The following BICD1 variants were observed in gnomAD, a reference collection of about 807,000 sequenced individuals.
The protein encoded by BICD1 is protein bicaudal D homolog 1.
Under a neutral mutation model 92.5 loss-of-function variants are expected in BICD1, and 35 were observed. That is an observed-to-expected ratio of 0.38 (90% confidence interval 0.29 to 0.50). The LOEUF (loss-of-function observed/expected upper bound fraction) is 0.50. Among genes scored for constraint, BICD1 ranks in the 20% least tolerant of loss-of-function variants. The pLI is 0.93. For missense variants in BICD1, 950 were observed against 1,189.8 expected (o/e 0.80, Z 2.97); for synonymous variants, 429 against 465.1 (o/e 0.92, Z 1.00).
chr12:32,214,524 C>G (rs958888989), intron 1 of BICD1, among the ~76,000 whole-genome samples: 1 of 152,156 alleles, frequency 6.6e-6, no homozygotes, highest in Non-Finnish European at 1.5e-5. Context: ...TTAGATATCT[C>G]TTTCCTTACT....
chr12:32,166,138 A>ATTTTTTTATTT (rs1555140609), intron 1 of BICD1, among the ~76,000 whole-genome samples: 1 of 143,954 alleles, frequency 6.9e-6, no homozygotes, highest in African/African-American at 2.6e-5. Flanking sequence ...TTATTTATTT[A>ATTTTTTTATTT]TTTATTTATT....
intron 8 of BICD1, among the ~76,000 whole-genome samples, chr12:32,356,688 C>T (rs1400329498): frequency 6.6e-6 from 1 of 152,026 alleles, no homozygotes; most frequent in Non-Finnish European, 1.5e-5. Context: ...GCAGAAGCAT[C>T]ATTGGCAAAT....
At chr12:32,338,713 G>A in intron 7 of BICD1, 73 bp from the exon 8 acceptor site, 3 of 1,215,182 alleles carry the variant, frequency 2.5e-6, no homozygotes, top group East Asian at 2.7e-5. Context: ...GTTGTCACTG[G>A]TGAGGCGTTA....
chr12:32,234,601 AAAAAAAAAG>A (rs1298805647), intron 2 of BICD1, among the ~76,000 whole-genome samples: 1 of 150,972 alleles, frequency 6.6e-6, no homozygotes, highest in African/African-American at 2.4e-5. Flanking sequence ...CGTCTCAAAA[AAAAAAAAAG>A]AAAGAAAGAA....
At position 32,346,608 on chromosome 12, in the gene BICD1, A is replaced by ACGTG. The variant is rs71068318; in HGVS notation, c.2764+7629_2764+7630insCGTG. 7.2e-3 allele frequency among the ~76,000 whole-genome samples: 23 copies of ACGTG among 3,216 alleles called. 2 individuals carry two copies. The highest frequency in any genetic ancestry group is 0.017 in the South Asian group (1 of 60). The allele number at this position is 3,216 out of a possible 152,430, so 2.1% of individuals were successfully genotyped here. ...CGTGTATATATATATATATATATATATATACGTGTATATATATATATATAT... is the reference window on the plus strand; with the variant it reads ...CGTGTATATATATATATATATATATACGTGTATACGTGTATATATATATATATAT... On this transcript the variant is annotated intron_variant, in intron 8 of 9. Transcript: ENST00000652176.
chr12:32,197,710 G>A (rs774731174), intron 1 of BICD1, among the ~76,000 whole-genome samples: 33 of 152,146 alleles, frequency 2.2e-4, no homozygotes, highest in Admixed American at 7.9e-4. Flanking sequence ...TTATAAACTA[G>A]CTAGGAGATT....
intron 2 of BICD1, among the ~76,000 whole-genome samples, chr12:32,221,372 T>A (rs1945523499): frequency 6.7e-6 from 1 of 150,250 alleles, no homozygotes. Context: ...AATAAATAAA[T>A]AAATAAAAAT....
chr12:32,108,803 A>G (rs1941588755), intron 1 of BICD1: 1 of 556,178 alleles, frequency 1.8e-6, no homozygotes. Context: ...CCAACTAGGA[A>G]TCTAATTTTT....
At position 32,216,469 on chromosome 12, in the gene BICD1, C is replaced by A. The variant is rs548671395; in HGVS notation, c.426+10C>A. 1 of 1,612,504 alleles carries A rather than the reference C, an allele frequency of 6.2e-7. No homozygotes were observed. The highest frequency in any genetic ancestry group is 2.2e-5 in the East Asian group (1 of 44,840). ...GCAGGATCTGAAGGAGGTAAATAAA[C>A]AAATTCCCTATGAGAGATTTGTGAG... On this transcript the variant is annotated intron_variant, in intron 2 of 9. Transcript: ENST00000652176.
intron 4 of BICD1, among the ~76,000 whole-genome samples, chr12:32,318,831 G>A (rs369052715): frequency 6.6e-6 from 1 of 152,250 alleles, no homozygotes. Context: ...TCCAGCCTGG[G>A]CAACAAGAGT....
intron 3 of BICD1, 103 bp from the exon 4 acceptor site, chr12:32,305,592 CAT>C (rs1948189959): frequency 3.1e-6 from 3 of 960,352 alleles, no homozygotes; most frequent in East Asian, 5.2e-5. Context: ...TTTTTAGACT[CAT>C]GTTGTATTTT....
intron 1 of BICD1, among the ~76,000 whole-genome samples, chr12:32,166,996 C>T (rs551483012): frequency 1.3e-5 from 2 of 152,322 alleles, no homozygotes; most frequent in African/African-American, 4.8e-5. Context: ...ACAATGTTTG[C>T]ATTGGTTATC....
At chr12:32,184,932 T>C (rs1944388307) in intron 1 of BICD1, among the ~76,000 whole-genome samples, 1 of 152,230 alleles carries the variant, frequency 6.6e-6, no homozygotes, top group African/African-American at 2.4e-5. Context: ...AGAAGGTGTT[T>C]TATAAATCAG....
At chr12:32,207,905 G>A (rs1400653664) in intron 1 of BICD1, among the ~76,000 whole-genome samples, 1 of 152,190 alleles carries the variant, frequency 6.6e-6, no homozygotes, top group African/African-American at 2.4e-5. Context: ...CTCTCATAAT[G>A]AGGTAAACGG....
intron 4 of BICD1, among the ~76,000 whole-genome samples, chr12:32,318,070 T>G (rs1180799563): frequency 4.6e-5 from 7 of 151,902 alleles, no homozygotes; most frequent in Non-Finnish European, 8.9e-5. Context: ...CATTGGTCTA[T>G]ATCTCTGTTT....
At chr12:32,221,659 G>A (rs933976847) in intron 2 of BICD1, among the ~76,000 whole-genome samples, 1 of 151,734 alleles carries the variant, frequency 6.6e-6, no homozygotes, top group Non-Finnish European at 1.5e-5. Context: ...CCAGCCTGGC[G>A]ACAGAGCGAG....
At position 32,184,905 on chromosome 12, in the gene BICD1, A is replaced by G. The variant is rs568096833; in HGVS notation, c.214-31342A>G. 3.3e-5 allele frequency among the ~76,000 whole-genome samples: 5 copies of G among 152,294 alleles called. No individual in the cohort carries two copies. The South Asian group carries it at 1.0e-3, about 32-fold the overall frequency. ...CAGAACCAATTTTGTGGTTTTCAAT[A>G]TGATATGTTCAATTCCAGAAGGTGT... On this transcript the variant is annotated intron_variant, in intron 1 of 9. Transcript: ENST00000652176.
chr12:32,313,036 C>T lies in BICD1; in HGVS notation c.1005+6914C>T, dbSNP rs576639126. Among the ~76,000 whole-genome samples, 85 of 152,162 alleles carry T rather than the reference C, an allele frequency of 5.6e-4. No individual in the cohort carries two copies. Among genetic ancestry groups the T allele is most frequent in the African/African-American group, 1.8e-3 (74 of 41,530 alleles). ...TTTAAAGGTGTCCTGTATGCTTGTGCTGAAATTTCTGTCTTTGATAAATAG... is the reference window on the plus strand; with the variant it reads ...TTTAAAGGTGTCCTGTATGCTTGTGTTGAAATTTCTGTCTTTGATAAATAG... On this transcript the variant is annotated intron_variant, in intron 4 of 9. Coordinates refer to ENST00000652176, the MANE Select transcript of BICD1 (RefSeq NM_001714.4). The surrounding 1 kb of genome is among the most constrained non-coding windows in gnomAD (Gnocchi z 4.2).
chr12:32,128,913 C>A (rs1400497028), intron 1 of BICD1, among the ~76,000 whole-genome samples: 1 of 151,790 alleles, frequency 6.6e-6, no homozygotes, highest in African/African-American at 2.4e-5. Flanking sequence ...GCCGGGACTA[C>A]AGGCATGCAC....
Sources: gnomAD v4.1 joint callset for allele counts (sites outside exome capture counted in the v4.1 genomes callset) on GRCh38, gnomAD v4.1.1 for gene constraint, Gnocchi (gnomAD v3.1) non-coding constraint, MANE v1.5 for transcripts, NCBI Gene and HGNC (gene_info 2026-07-23, HGNC 2026-07-21) for gene names.